The following CSMD1 variants were observed in gnomAD, a reference collection of about 807,000 sequenced individuals.
CSMD1 encodes the protein CUB and Sushi multiple domains 1, also known as CUB and sushi domain-containing protein 1.
CSMD1 carries 213 observed loss-of-function variants against 417.5 expected under a neutral mutation model. The observed-to-expected ratio is 0.51, with a 90% CI of 0.46 to 0.57. The LOEUF is 0.57. Ranked by LOEUF, CSMD1 falls within the 20% of genes least tolerant of loss-of-function variation. The pLI is 0.00. For missense variants in CSMD1, 6,923 were observed against 4,529.7 expected (o/e 1.53, Z -15.17); for synonymous variants, 2,862 against 1,736.8 (o/e 1.65, Z -16.11).
chr8:4,549,013 T>C (rs1204875151), intron 2 of CSMD1, among the ~76,000 whole-genome samples: 1 of 152,220 alleles, frequency 6.6e-6, no homozygotes, highest in African/African-American at 2.4e-5. Flanking sequence ...TATCAGATTA[T>C]GAGTAATTAA....
chr8:4,761,856 T>A (rs1415968914), intron 1 of CSMD1, among the ~76,000 whole-genome samples: 2 of 75,180 alleles, frequency 2.7e-5, no homozygotes, highest in African/African-American at 9.3e-5. Flanking sequence ...TCTATCTATC[T>A]ATCTATCTAT....
intron 1 of CSMD1, among the ~76,000 whole-genome samples, chr8:4,817,427 G>A (rs1319801734): frequency 6.6e-6 from 1 of 152,238 alleles, no homozygotes; most frequent in Non-Finnish European, 1.5e-5. Flanking sequence ...CACAGCAAGT[G>A]TTTTCATAGA....
rs56272726 is a variant in CSMD1 at position 3,709,680 on chromosome 8, G to GTTTTTTTTTTTTTTTTTTTTT, written c.932-1210_932-1190dup. Among the ~76,000 whole-genome samples the GTTTTTTTTTTTTTTTTTTTTT allele has an allele frequency of 4.1e-3, 139 of 33,642 alleles. 33 individuals are homozygous for GTTTTTTTTTTTTTTTTTTTTT. The highest frequency in any genetic ancestry group is 8.9e-3 in the East Asian group (6 of 672). 22.1% of individuals were successfully genotyped at this position (33,642 alleles called of 152,430 possible). A position where few individuals can be genotyped will look rare whatever the true frequency, so the allele number is the denominator to read the frequency against. ...GATGGGCTTTAAATTGCAGCAGCAT[G>GTTTTTTTTTTTTTTTTTTTTT]TTTTTTTTTTTTTTTTTTTTTTTTT... On this transcript the variant is annotated intron_variant, in intron 6 of 69. Coordinates refer to ENST00000635120, the MANE Select transcript of CSMD1 (RefSeq NM_033225.6).
chr8:3,961,063 A>C (rs1812292075), intron 5 of CSMD1, among the ~76,000 whole-genome samples: 1 of 152,132 alleles, frequency 6.6e-6, no homozygotes, highest in Non-Finnish European at 1.5e-5. Context: ...GAAATCAAAC[A>C]AAATTGAACA....
At chr8:3,394,010 AATTAT>A (rs1222452960) in intron 17 of CSMD1, among the ~76,000 whole-genome samples, 2 of 68,950 alleles carry the variant, frequency 2.9e-5, no homozygotes, top group African/African-American at 1.2e-4. Context: ...TAAAAAAATA[AATTAT>A]ATATATATAT....
chr8:3,896,991 G>C (rs1400022128), intron 5 of CSMD1, among the ~76,000 whole-genome samples: 3 of 151,656 alleles, frequency 2.0e-5, no homozygotes, highest in African/African-American at 4.8e-5. Flanking sequence ...AGCAATTCTA[G>C]TTTTCCATTT....
intron 4 of CSMD1, among the ~76,000 whole-genome samples, chr8:4,022,438 G>A (rs1262573349): frequency 3.3e-5 from 5 of 152,000 alleles, no homozygotes; most frequent in Admixed American, 6.6e-5. Context: ...TACATCCATG[G>A]GCGTGGATGC....
chr8:3,380,739 C>G (rs55906205), intron 18 of CSMD1, among the ~76,000 whole-genome samples: 1 of 151,922 alleles, frequency 6.6e-6, no homozygotes, highest in African/African-American at 2.4e-5. Context: ...GGGTCCTGTT[C>G]GGAGAATGCA....
chr8:3,577,824 G>A (rs1273340914), intron 9 of CSMD1, among the ~76,000 whole-genome samples: 2 of 152,096 alleles, frequency 1.3e-5, no homozygotes, highest in Admixed American at 1.3e-4. Flanking sequence ...GATTTATTTA[G>A]TTATTGCCTC....
chr8:3,807,883 A>G (rs1800834896), intron 5 of CSMD1, among the ~76,000 whole-genome samples: 1 of 152,186 alleles, frequency 6.6e-6, no homozygotes, highest in South Asian at 2.1e-4. Context: ...GTACAAAAGC[A>G]ATCCCCTTCT....
At chr8:3,125,911 A>G (rs1032212749) in intron 41 of CSMD1, among the ~76,000 whole-genome samples, 1 of 152,202 alleles carries the variant, frequency 6.6e-6, no homozygotes, top group Non-Finnish European at 1.5e-5. Flanking sequence ...CAGGAGGCAG[A>G]GGTTGCAGTG....
intron 5 of CSMD1, among the ~76,000 whole-genome samples, chr8:3,866,605 T>C (rs1226497992): frequency 6.6e-6 from 1 of 152,168 alleles, no homozygotes; most frequent in Non-Finnish European, 1.5e-5. Context: ...TAGTCTCTTC[T>C]TTCCATCCCT....
chr8:3,477,777 G>A (rs1311123649), intron 11 of CSMD1, among the ~76,000 whole-genome samples: 1 of 152,106 alleles, frequency 6.6e-6, no homozygotes, highest in Non-Finnish European at 1.5e-5. Context: ...GAGGTACTGA[G>A]AGCAAGTAAA....
chr8:4,010,112 C>A (rs1007033124), intron 4 of CSMD1, among the ~76,000 whole-genome samples: 1 of 152,174 alleles, frequency 6.6e-6, no homozygotes, highest in African/African-American at 2.4e-5. Context: ...TTCCCTTCTT[C>A]CTCTGATGGA....
chr8:3,179,507 G>C (rs1442916673), intron 37 of CSMD1, among the ~76,000 whole-genome samples: 1 of 152,158 alleles, frequency 6.6e-6, no homozygotes, highest in African/African-American at 2.4e-5. Context: ...TATTGTCTAG[G>C]AATAAAGAGA....
intron 6 of CSMD1, among the ~76,000 whole-genome samples, chr8:3,731,285 G>C (rs1170163363): frequency 3.9e-5 from 6 of 152,164 alleles, no homozygotes; most frequent in Admixed American, 1.3e-4. Context: ...TGGAGATACA[G>C]ATGCATCTCC....
chr8:3,637,482 T>G (rs914388053), intron 7 of CSMD1, among the ~76,000 whole-genome samples: 6 of 152,202 alleles, frequency 3.9e-5, no homozygotes, highest in Admixed American at 2.6e-4. Flanking sequence ...AGCTTCAGAA[T>G]TGTTCTTCTT....
intron 3 of CSMD1, among the ~76,000 whole-genome samples, chr8:4,240,550 C>A (rs1016870404): frequency 1.3e-5 from 2 of 152,198 alleles, no homozygotes; most frequent in East Asian, 1.9e-4. Context: ...CTCTTAGAAG[C>A]CTGTGCCTCC....
chr8:3,052,474 G>T lies in CSMD1; in HGVS notation c.7648C>A (p.Pro2550Thr). Residue 2550 changes from proline to threonine, a missense_variant, in exon 50 of 70, where the codon CCC becomes ACC. Transcript: ENST00000635120. ...DGLWSNKGKPPTCKPVACPSI... is the reference protein window; with the variant it reads ...DGLWSNKGKPTTCKPVACPSI... ...CCTGAACACTTACGCTTACACGTGGGCGGCTTCCCCTTGTTACTCCACAAC... is the reference window on the plus strand; with the variant it reads ...CCTGAACACTTACGCTTACACGTGGTCGGCTTCCCCTTGTTACTCCACAAC... 6.3e-7 allele frequency: 1 copy of T among 1,578,088 alleles called. No homozygotes were observed. Among genetic ancestry groups the T allele is most frequent in the Non-Finnish European group, 8.6e-7 (1 of 1,161,116 alleles).
Sources: gnomAD v4.1 joint callset for allele counts (sites outside exome capture counted in the v4.1 genomes callset) on GRCh38, gnomAD v4.1.1 for gene constraint, MANE v1.5 for transcripts, NCBI Gene and HGNC (gene_info 2026-07-23, HGNC 2026-07-21) for gene names.